The following CNTN5 variants were observed in gnomAD, a reference collection of about 807,000 sequenced individuals.
The protein encoded by CNTN5 is contactin 5.
A neutral mutation model predicts 129.1 loss-of-function variants in CNTN5; 77 were observed. The observed-to-expected ratio is 0.60, with a 90% confidence interval of 0.50 to 0.72. CNTN5 has a LOEUF of 0.72. Ranked by LOEUF, CNTN5 falls within the 30% of genes least tolerant of loss-of-function variation. The probability of loss-of-function intolerance (pLI) is 0.00; values close to 1 mark genes in which losing one functional copy is unlikely to be tolerated. For synonymous variants in CNTN5, 509 were observed against 465.6 expected, an observed-to-expected ratio of 1.09 and a Z score of -1.20; for missense variants, 1,478 against 1,328.8, an observed-to-expected ratio of 1.11 and a Z score of -1.75.
At chr11:100,093,126 C>T (rs771375177) in intron 13 of CNTN5, among the ~76,000 whole-genome samples, 1 of 152,050 alleles carries the variant, frequency 6.6e-6, no homozygotes, top group Non-Finnish European at 1.5e-5. Flanking sequence ...TGCAACAGTG[C>T]GGGGTTGACT....
At chr11:99,483,806 G>T (rs149562828) in intron 2 of CNTN5, among the ~76,000 whole-genome samples, 2 of 152,176 alleles carry the variant, frequency 1.3e-5, no homozygotes, top group African/African-American at 4.8e-5. Flanking sequence ...CATAAACTGG[G>T]CTAAGCACAG....
At chr11:100,286,086 A>T (rs1468599926) in intron 18 of CNTN5, among the ~76,000 whole-genome samples, 1 of 152,176 alleles carries the variant, frequency 6.6e-6, no homozygotes, top group East Asian at 1.9e-4. Context: ...TATATCCCGC[A>T]CCTGGCTGGG....
At chr11:99,955,889 A>G (rs1216641548) in intron 7 of CNTN5, among the ~76,000 whole-genome samples, 1 of 152,176 alleles carries the variant, frequency 6.6e-6, no homozygotes, top group African/African-American at 2.4e-5. Flanking sequence ...AATAATAAAT[A>G]TTAGCGAAAT....
At chr11:100,225,162 A>G (rs927159078) in intron 16 of CNTN5, 1 of 156,138 alleles carries the variant, frequency 6.4e-6, no homozygotes, top group Non-Finnish European at 1.4e-5. Context: ...TTTGCAAATG[A>G]AAAGCTAGTG....
At chr11:99,195,058 A>T (rs1778879908) in intron 1 of CNTN5, among the ~76,000 whole-genome samples, 1 of 152,194 alleles carries the variant, frequency 6.6e-6, no homozygotes, top group South Asian at 2.1e-4. Context: ...AGAAAACAAA[A>T]CCTTAAAAAC....
intron 13 of CNTN5, among the ~76,000 whole-genome samples, chr11:100,127,035 T>C (rs915954761): frequency 6.6e-6 from 1 of 151,568 alleles, no homozygotes; most frequent in Admixed American, 6.6e-5. Flanking sequence ...TCTTCCCACA[T>C]TAGCCTCCCA....
intron 3 of CNTN5, among the ~76,000 whole-genome samples, chr11:99,689,294 A>G (rs576121178): frequency 5.3e-5 from 8 of 152,028 alleles, no homozygotes; most frequent in East Asian, 3.9e-4. Flanking sequence ...TAGGGAGGCC[A>G]AGGCGGGCAG....
intron 1 of CNTN5, among the ~76,000 whole-genome samples, chr11:99,100,331 G>A (rs1866665044): frequency 6.6e-6 from 1 of 151,966 alleles, no homozygotes; most frequent in African/African-American, 2.4e-5. Context: ...GGAACCTAAG[G>A]TAAAGAATCA....
chr11:99,671,045 A>G (rs1323356165), intron 3 of CNTN5, among the ~76,000 whole-genome samples: 2 of 151,846 alleles, frequency 1.3e-5, no homozygotes, highest in African/African-American at 4.8e-5. Flanking sequence ...AATATCATTC[A>G]CGTGTGCTTG....
chr11:100,040,742 A>G (rs909339830), intron 9 of CNTN5, among the ~76,000 whole-genome samples: 1 of 152,164 alleles, frequency 6.6e-6, no homozygotes, highest in Non-Finnish European at 1.5e-5. Flanking sequence ...GCTAGCAATG[A>G]GCGAGACTCT....
intron 9 of CNTN5, among the ~76,000 whole-genome samples, chr11:100,010,061 A>G (rs1291223844): frequency 6.6e-6 from 1 of 152,172 alleles, no homozygotes; most frequent in Admixed American, 6.6e-5. Flanking sequence ...ATCAGGTACA[A>G]TACTCTTGAA....
At chr11:99,655,129 G>T (rs1253596660) in intron 3 of CNTN5, among the ~76,000 whole-genome samples, 2 of 151,924 alleles carry the variant, frequency 1.3e-5, no homozygotes, top group African/African-American at 4.8e-5. Context: ...GTAGAATTTG[G>T]GGTCTTCAAA....
intron 18 of CNTN5, among the ~76,000 whole-genome samples, chr11:100,295,330 C>G (rs1395538404): frequency 6.6e-6 from 1 of 151,386 alleles, no homozygotes; most frequent in Non-Finnish European, 1.5e-5. Flanking sequence ...AATTTGAAAT[C>G]ACATACTTTC....
At chr11:100,083,055 C>A (rs1310060255) in intron 13 of CNTN5, among the ~76,000 whole-genome samples, 1 of 152,032 alleles carries the variant, frequency 6.6e-6, no homozygotes, top group Non-Finnish European at 1.5e-5. Context: ...GTGGTTCACA[C>A]CGGTAATCCC....
intron 3 of CNTN5, among the ~76,000 whole-genome samples, chr11:99,558,795 A>G (rs1044925127): frequency 6.6e-6 from 1 of 152,070 alleles, no homozygotes; most frequent in African/African-American, 2.4e-5. Flanking sequence ...GCAGAAAGAA[A>G]AGTTGAAAAC....
rs137979605 is a variant in CNTN5, at chr11:99,685,540, T to G, written c.55+129271T>G. On this transcript the variant is annotated intron_variant, in intron 3 of 24. Coordinates refer to ENST00000524871, the MANE Select transcript of CNTN5 (RefSeq NM_014361.4). Reference sequence around the variant, plus strand: ...TATATTCTGAGATTACATAATTTGATAAACACTAATTTAAAATTATTTTAT... The same window carrying G: ...TATATTCTGAGATTACATAATTTGAGAAACACTAATTTAAAATTATTTTAT... 3.0e-3 allele frequency among the ~76,000 whole-genome samples: 454 copies of G among 152,128 alleles called. 6 individuals are homozygous for G. The highest frequency in any genetic ancestry group is 3.4e-3 in the Middle Eastern group (1 of 294).
chr11:99,668,996 A>G (rs1221846450), intron 3 of CNTN5, among the ~76,000 whole-genome samples: 1 of 152,156 alleles, frequency 6.6e-6, no homozygotes, highest in Non-Finnish European at 1.5e-5. Flanking sequence ...CAAGACTACA[A>G]TTTTGAAATA....
intron 1 of CNTN5, among the ~76,000 whole-genome samples, chr11:99,051,943 A>AAAG (rs1307886202): frequency 6.6e-6 from 1 of 151,906 alleles, no homozygotes; most frequent in Non-Finnish European, 1.5e-5. Context: ...GGGAATAGTT[A>AAAG]GCTCTGACTA....
At chr11:100,039,498 G>GT (rs1232813117) in intron 9 of CNTN5, among the ~76,000 whole-genome samples, 1 of 152,122 alleles carries the variant, frequency 6.6e-6, no homozygotes. Context: ...TGTATTTCCT[G>GT]AATTTGAATG....
Sources: gnomAD v4.1 joint callset for allele counts (sites outside exome capture counted in the v4.1 genomes callset) on GRCh38, gnomAD v4.1.1 for gene constraint, MANE v1.5 for transcripts, NCBI Gene and HGNC (gene_info 2026-07-23, HGNC 2026-07-21) for gene names.